RBM19: variants seen among roughly 807,000 people sequenced by gnomAD.
RBM19 encodes probable RNA-binding protein 19.
RBM19 carries 94 observed loss-of-function variants against 116.8 expected under a neutral mutation model. The ratio of observed to expected loss-of-function variants is 0.80; its 90% CI spans 0.68 to 0.95. The LOEUF is 0.95. Among genes scored for constraint, RBM19 ranks in the 40% least tolerant of loss-of-function variants. The pLI is 0.00. For missense variants in RBM19, 1,161 were observed against 1,220.7 expected, an observed-to-expected ratio of 0.95 and a Z score of 0.73; for synonymous variants, 475 against 494.1, an observed-to-expected ratio of 0.96 and a Z score of 0.51.
chr12:113,878,765 CTG>C (rs1431376615), intron 21 of RBM19, among the ~76,000 whole-genome samples: 3 of 141,374 alleles, frequency 2.1e-5, no homozygotes, highest in Non-Finnish European at 4.5e-5. Context: ...GTTCCCTAAA[CTG>C]GACCATAGCC....
chr12:113,884,754 T>A (rs1880407664), intron 21 of RBM19, among the ~76,000 whole-genome samples: 1 of 151,616 alleles, frequency 6.6e-6, no homozygotes, highest in Non-Finnish European at 1.5e-5. Flanking sequence ...TAAGAAAGAA[T>A]AACTTAAGGG....
chr12:113,852,065 T>C (rs1264302434), intron 22 of RBM19, among the ~76,000 whole-genome samples: 4 of 152,092 alleles, frequency 2.6e-5, no homozygotes, highest in Admixed American at 2.6e-4. Context: ...AAAAAAATTA[T>C]TTTAATGCTG....
At chr12:113,937,199 C>G in intron 15 of RBM19, 63 bp from the exon 16 acceptor site, 2 of 1,577,878 alleles carry the variant, frequency 1.3e-6, no homozygotes, top group Non-Finnish European at 1.7e-6. Context: ...GGGAGGGACT[C>G]AGTCCCATGC....
chr12:113,831,387 A>G (rs1875395903), intron 23 of RBM19, among the ~76,000 whole-genome samples: 1 of 152,248 alleles, frequency 6.6e-6, no homozygotes, highest in East Asian at 1.9e-4. Context: ...CAGTTCAGAA[A>G]TAAAACTGGC....
intron 23 of RBM19, among the ~76,000 whole-genome samples, chr12:113,832,239 G>GA (rs1178994039): frequency 6.6e-6 from 1 of 151,786 alleles, no homozygotes; most frequent in African/African-American, 2.4e-5. Flanking sequence ...GCCCAGGCTG[G>GA]AGTGCAGTGG....
rs58127558 is a variant in RBM19 at position 113,913,071 on chromosome 12, T to C, written c.2558+1898A>G. On this transcript the variant is annotated intron_variant, in intron 21 of 23. Transcript: ENST00000261741. ...CAGTGGACACTAATTCCCTGTCTTC[T>C]AAAAATAAATATAATACATGAGATC... 6.7e-3 allele frequency among the ~76,000 whole-genome samples: 1,020 copies of C among 152,274 alleles called. 11 individuals are homozygous for C. Among genetic ancestry groups the C allele is most frequent in the African/African-American group, 0.023 (971 of 41,540 alleles).
At chr12:113,922,176 C>G (rs1245063465) in intron 18 of RBM19, among the ~76,000 whole-genome samples, 1 of 152,168 alleles carries the variant, frequency 6.6e-6, no homozygotes, top group Non-Finnish European at 1.5e-5. Context: ...CCAGGCACGG[C>G]AGGCGGAAAG....
At chr12:113,954,927 C>T (rs10850254) in intron 7 of RBM19, among the ~76,000 whole-genome samples, 4 of 152,056 alleles carry the variant, frequency 2.6e-5, no homozygotes, top group African/African-American at 9.7e-5. Context: ...AAACCAGAAC[C>T]TCCTTTGTCT....
chr12:113,853,313 T>C (rs10850221), intron 22 of RBM19, among the ~76,000 whole-genome samples: 21,409 of 152,208 alleles, frequency 0.14, 1,527 homozygotes, highest in African/African-American at 0.15. Context: ...CCAACCACCA[T>C]CGCGTCTCCC....
At chr12:113,946,524 C>T in intron 11 of RBM19, 49 bp from the exon 12 acceptor site, 3 of 1,611,220 alleles carry the variant, frequency 1.9e-6, no homozygotes, top group Non-Finnish European at 2.5e-6. Flanking sequence ...TGCCTGTAAG[C>T]CCTGCTTCCT....
At chr12:113,896,567 C>T (rs1007940783) in intron 21 of RBM19, among the ~76,000 whole-genome samples, 2 of 152,094 alleles carry the variant, frequency 1.3e-5, no homozygotes, top group Non-Finnish European at 2.9e-5. Flanking sequence ...CTTGTGACAC[C>T]CCATTGAGAT....
In RBM19 at chr12:113,915,326, G is replaced by C. The variant is rs3741692; in HGVS notation, c.2442-241C>G. ...GGTGGCTGCTGACCTTCATTTGAGA[G>C]ACTCCGGGGCCACCAGGGACTTAAG... On this transcript the variant is annotated intron_variant, in intron 20 of 23. Coordinates refer to ENST00000261741, the MANE Select transcript of RBM19 (RefSeq NM_016196.4). Among the ~76,000 whole-genome samples, 142 of 152,272 alleles carry C rather than the reference G, an allele frequency of 9.3e-4. 1 individual carries two copies. Among genetic ancestry groups the C allele is most frequent in the Admixed American group, 7.3e-3 (111 of 15,292 alleles).
intron 21 of RBM19, among the ~76,000 whole-genome samples, chr12:113,907,327 T>G (rs1213839605): frequency 6.6e-6 from 1 of 152,218 alleles, no homozygotes. Flanking sequence ...GCAGGAACTT[T>G]GCCTTGTTCA....
chr12:113,830,715 A>G (rs930671199), intron 23 of RBM19, among the ~76,000 whole-genome samples: 3 of 152,148 alleles, frequency 2.0e-5, no homozygotes. Context: ...GCAGAGGGAA[A>G]AGGGAAAAAG....
At chr12:113,881,936 AT>A (rs1289128856) in intron 21 of RBM19, among the ~76,000 whole-genome samples, 1 of 152,240 alleles carries the variant, frequency 6.6e-6, no homozygotes, top group East Asian at 1.9e-4. Context: ...CCCTCCACCC[AT>A]GGGGGTGCAC....
intron 14 of RBM19, 112 bp downstream of exon 14, chr12:113,942,212 A>T: frequency 1.1e-6 from 1 of 881,708 alleles, no homozygotes; most frequent in Non-Finnish European, 1.7e-6. Context: ...TTTAGAAATC[A>T]GTAATAGTCC....
chr12:113,915,179 G>A, intron 20 of RBM19, 94 bp from the exon 21 acceptor site: 2 of 1,048,708 alleles, frequency 1.9e-6, no homozygotes, highest in Non-Finnish European at 3.0e-6. Context: ...GAATATTCAG[G>A]TGATGGATTC....
chr12:113,868,983 G>A (rs962055012), intron 21 of RBM19, among the ~76,000 whole-genome samples: 11 of 152,114 alleles, frequency 7.2e-5, no homozygotes, highest in Admixed American at 2.0e-4. Flanking sequence ...TCCAACCAAC[G>A]TCCCCCAGCC....
intron 21 of RBM19, among the ~76,000 whole-genome samples, chr12:113,911,637 C>T (rs529807662): frequency 2.0e-5 from 3 of 152,182 alleles, no homozygotes; most frequent in South Asian, 2.1e-4. Flanking sequence ...TCCTTGAGGC[C>T]GATGAGCAGC....
Sources: allele counts gnomAD v4.1 joint callset (sites outside exome capture counted in the v4.1 genomes callset), GRCh38; gene constraint gnomAD v4.1.1; transcripts MANE v1.5; gene names NCBI Gene and HGNC (gene_info 2026-07-23, HGNC 2026-07-21).